Variants in DLG2 observed in about 807,000 individuals in gnomAD.
DLG2 encodes the protein disks large homolog 2.
Under a neutral mutation model 132.5 loss-of-function variants are expected in DLG2, and 45 were observed. The ratio of observed to expected loss-of-function variants is 0.34; its 90% CI spans 0.27 to 0.44. The LOEUF is 0.44. Ranked by LOEUF, DLG2 falls within the 20% of genes least tolerant of loss-of-function variation. The pLI, the probability that DLG2 is intolerant of heterozygous loss-of-function variation, is 1.00. For synonymous variants in DLG2, 424 were observed against 419.6 expected (o/e 1.01, Z -0.13); for missense variants, 1,045 against 1,196.9 (o/e 0.87, Z 1.87).
At chr11:85,451,665 T>G (rs979177190) in intron 3 of DLG2, among the ~76,000 whole-genome samples, 4 of 152,200 alleles carry the variant, frequency 2.6e-5, no homozygotes, top group Non-Finnish European at 5.9e-5. Flanking sequence ...TTAGATAATT[T>G]AGATAATTTG....
In DLG2 at chr11:85,447,200, T is replaced by C. The variant is rs540159160; in HGVS notation, c.40+151457A>G. Among the ~76,000 whole-genome samples, 66 of 152,306 alleles carry C rather than the reference T, an allele frequency of 4.3e-4. 2 individuals are homozygous for C. In the South Asian group the frequency reaches 0.013, roughly 31 times the overall value. ...ACTGATAATCTAGCTTTCACTTCTT[T>C]ATTTAACAAATACTAAATTCTAGAA... On this transcript the variant is annotated intron_variant, in intron 3 of 27. Coordinates refer to ENST00000376104, the MANE Select transcript of DLG2 (RefSeq NM_001142699.3).
chr11:85,492,769 C>T (rs966263300), intron 3 of DLG2, among the ~76,000 whole-genome samples: 1 of 147,922 alleles, frequency 6.8e-6, no homozygotes, highest in Non-Finnish European at 1.5e-5. Context: ...TAGGGAGGTA[C>T]CTTAAAAGGA....
intron 11 of DLG2, among the ~76,000 whole-genome samples, chr11:84,029,950 T>G (rs1428883630): frequency 6.6e-6 from 1 of 152,160 alleles, no homozygotes; most frequent in Admixed American, 6.6e-5. Context: ...TACCCTGCTT[T>G]TATCCTTACA....
At chr11:84,417,297 A>T (rs1437308236) in intron 7 of DLG2, among the ~76,000 whole-genome samples, 5 of 152,194 alleles carry the variant, frequency 3.3e-5, no homozygotes, top group Non-Finnish European at 7.3e-5. Flanking sequence ...CCTCCTATAA[A>T]ACAGTGATAA....
At chr11:84,346,221 A>G (rs1276761216) in intron 7 of DLG2, among the ~76,000 whole-genome samples, 1 of 152,182 alleles carries the variant, frequency 6.6e-6, no homozygotes, top group Non-Finnish European at 1.5e-5. Context: ...AATGGATCTG[A>G]CCATTCCTTT....
chr11:84,323,720 C>CTTTTTTTTTTTTTTTTTTTTTTTTT, intron 7 of DLG2, among the ~76,000 whole-genome samples: 1 of 123,788 alleles, frequency 8.1e-6, no homozygotes, highest in Non-Finnish European at 1.7e-5. Context: ...TTCTTTTTTC[C>CTTTTTTTTTTTTTTTTTTTTTTTTT]TTTTTTTTTT....
rs1175812732 is a variant in DLG2, at chr11:84,492,607, A to G, written c.519+41963T>C. Among the ~76,000 whole-genome samples, 3 of 152,196 alleles carry G rather than the reference A, an allele frequency of 2.0e-5. No homozygotes were observed. In the East Asian group the frequency reaches 5.8e-4, roughly 29 times the overall value. On this transcript the variant is annotated intron_variant, in intron 7 of 27. Coordinates refer to ENST00000376104, the MANE Select transcript of DLG2 (RefSeq NM_001142699.3). ...AAGAAAATAATCACATATAACTCAC[A>G]GAAGTAATGTGAAGAGTAGAATAAT...
intron 3 of DLG2, among the ~76,000 whole-genome samples, chr11:85,412,760 C>CACACACACACACACACAT (rs756868795): frequency 1.2e-4 from 14 of 113,266 alleles, no homozygotes; most frequent in Admixed American, 8.3e-4. Context: ...CACACACACA[C>CACACACACACACACACAT]ATATATATAT....
intron 17 of DLG2, among the ~76,000 whole-genome samples, chr11:83,825,582 G>A (rs964496664): frequency 6.6e-6 from 1 of 152,034 alleles, no homozygotes; most frequent in African/African-American, 2.4e-5. Flanking sequence ...GAGTTCTCTG[G>A]TCCCTTTTAG....
At chr11:84,670,371 T>C (rs1368159485) in intron 6 of DLG2, among the ~76,000 whole-genome samples, 1 of 152,112 alleles carries the variant, frequency 6.6e-6, no homozygotes, top group Non-Finnish European at 1.5e-5. Context: ...CAAAGCACTC[T>C]AGTTATACAT....
chr11:85,187,268 G>C (rs548840829), intron 4 of DLG2, among the ~76,000 whole-genome samples: 1 of 152,052 alleles, frequency 6.6e-6, no homozygotes, highest in East Asian at 1.9e-4. Flanking sequence ...ATCAGGGAAT[G>C]AGAATATGGT....
chr11:83,963,834 C>T (rs2089523351), intron 13 of DLG2, among the ~76,000 whole-genome samples: 1 of 151,956 alleles, frequency 6.6e-6, no homozygotes, highest in African/African-American at 2.4e-5. Flanking sequence ...TTTGCCTCTC[C>T]TACCTAACCC....
At chr11:84,110,293 G>T (rs1307887040) in intron 9 of DLG2, among the ~76,000 whole-genome samples, 1 of 152,146 alleles carries the variant, frequency 6.6e-6, no homozygotes, top group African/African-American at 2.4e-5. Flanking sequence ...GCTTTTATGG[G>T]TTATTGCCTC....
At chr11:85,341,485 G>C (rs991647692) in intron 3 of DLG2, among the ~76,000 whole-genome samples, 1 of 152,112 alleles carries the variant, frequency 6.6e-6, no homozygotes, top group Admixed American at 6.5e-5. Flanking sequence ...TGTTTCACCC[G>C]TTCTTGTGCC....
chr11:83,756,792 A>G, intron 18 of DLG2, among the ~76,000 whole-genome samples: 1 of 146,772 alleles, frequency 6.8e-6, no homozygotes. Flanking sequence ...TAGAGTTAGC[A>G]GTCTTAGGGA....
intron 6 of DLG2, among the ~76,000 whole-genome samples, chr11:84,942,768 T>G (rs946693974): frequency 7.2e-5 from 11 of 152,126 alleles, no homozygotes; most frequent in Non-Finnish European, 1.3e-4. Context: ...TGAGTCTGAT[T>G]TTTCCTTTAT....
chr11:85,315,957 C>G (rs928134607), intron 3 of DLG2, among the ~76,000 whole-genome samples: 2 of 152,002 alleles, frequency 1.3e-5, no homozygotes, highest in African/African-American at 4.8e-5. Context: ...TCTCCCTCAC[C>G]TGAATTATCT....
chr11:84,650,873 G>GTGTGTATATATATATATA (rs1424393386), intron 6 of DLG2, among the ~76,000 whole-genome samples: 1 of 124,008 alleles, frequency 8.1e-6, no homozygotes, highest in Non-Finnish European at 1.7e-5. Context: ...GTGTGTGTGT[G>GTGTGTATATATATATATA]TATATATATA....
chr11:84,164,232 T>C (rs2095611793), intron 8 of DLG2, among the ~76,000 whole-genome samples: 1 of 152,198 alleles, frequency 6.6e-6, no homozygotes. Flanking sequence ...TTTCCACAAA[T>C]GTGCACAGAG....
Sources: allele counts gnomAD v4.1 joint callset (sites outside exome capture counted in the v4.1 genomes callset), GRCh38; gene constraint gnomAD v4.1.1; transcripts MANE v1.5; gene names NCBI Gene and HGNC (gene_info 2026-07-23, HGNC 2026-07-21).